Variants in CLEC4G observed in about 807,000 individuals in gnomAD.
CLEC4G encodes the protein C-type lectin superfamily 4, member G.
In CLEC4G, 34 loss-of-function variants were observed where a neutral mutation model predicts 37.0. The ratio of observed to expected loss-of-function variants is 0.92; its 90% confidence interval spans 0.70 to 1.22. The LOEUF is 1.22. CLEC4G is among the 50% of genes most tolerant of loss of function. The probability of loss-of-function intolerance (pLI) is 0.00; values close to 1 mark genes in which losing one functional copy is unlikely to be tolerated. For missense variants in CLEC4G, 390 were observed against 392.9 expected, an observed-to-expected ratio of 0.99 and a Z score of 0.06; for synonymous variants, 167 against 165.6, an observed-to-expected ratio of 1.01 and a Z score of -0.06.
chr19:7,729,349 C>T lies in CLEC4G; in HGVS notation c.*17G>A, dbSNP rs1340057591. On this transcript the variant is annotated 3_prime_UTR_variant, in exon 9 of 9. Transcript: ENST00000328853. ...CGACATGCTGCAATGGGCGCGGCTC[C>T]AGGGCACTGGGCGGGGTCAGCAGTT... 1 of 1,577,248 alleles carries T rather than the reference C, an allele frequency of 6.3e-7. No individual in the cohort carries two copies. The highest frequency in any genetic ancestry group is 1.1e-5 in the South Asian group (1 of 90,358).
In CLEC4G at chr19:7,730,698, G is replaced by T. The variant is rs1396045113; in HGVS notation, c.388+57C>A. The T allele has an allele frequency of 8.0e-6, 12 of 1,500,842 alleles. No homozygotes were observed. In the East Asian group the frequency reaches 3.0e-4, roughly 37 times the overall value. 93.0% of individuals were successfully genotyped at this position (1,500,842 alleles called of 1,614,324 possible). A position where few individuals can be genotyped will look rare whatever the true frequency, so the allele number is the denominator to read the frequency against. ...GGTCGGGGGTCAGCACTCAGGACGGGGTCGGGGTCGGGGGACGCGGCCAGG... is the reference window on the plus strand; with the variant it reads ...GGTCGGGGGTCAGCACTCAGGACGGTGTCGGGGTCGGGGGACGCGGCCAGG... On this transcript the variant is annotated intron_variant, in intron 5 of 8. Coordinates refer to ENST00000328853, the MANE Select transcript of CLEC4G (RefSeq NM_198492.4). The surrounding 1 kb of genome is among the most constrained non-coding windows in gnomAD (Gnocchi z 7.3).
rs1162596850 is a variant in CLEC4G, at chr19:7,730,358, G to C, written c.471C>G (p.Leu157=). The C allele has an allele frequency of 1.9e-6, 3 of 1,602,988 alleles. No individual in the cohort carries two copies. The highest frequency in any genetic ancestry group is 2.2e-5 in the South Asian group (2 of 90,974). ...ELFRALEAVR[L]QNNSCEPCPT... is the part of the protein sequence containing the mutation. ...ACCCCCCGTCTCGCTCACTGTTCTG[G>C]AGCCTCACGGCCTCCAGCGCCCGGA... Residue 157 remains leucine, a synonymous_variant, in exon 6 of 9, where the codon CTC becomes CTG. Coordinates refer to ENST00000328853, the MANE Select transcript of CLEC4G (RefSeq NM_198492.4). This position sits in a 1 kb window ranked among gnomAD's most constrained non-coding sequence, Gnocchi z 7.3.
Position 7,729,343 on chromosome 19 carries a change from C to T in CLEC4G, c.*23G>A, listed in dbSNP as rs372897279. On this transcript the variant is annotated 3_prime_UTR_variant, in exon 9 of 9. Coordinates refer to ENST00000328853, the MANE Select transcript of CLEC4G (RefSeq NM_198492.4). ...AGGATACGACATGCTGCAATGGGCGCGGCTCCAGGGCACTGGGCGGGGTCA... is the reference window on the plus strand; with the variant it reads ...AGGATACGACATGCTGCAATGGGCGTGGCTCCAGGGCACTGGGCGGGGTCA... 1.6e-4 allele frequency: 243 copies of T among 1,551,892 alleles called. No homozygotes were observed. The highest frequency in any genetic ancestry group is 2.0e-4 in the Non-Finnish European group (230 of 1,126,476).
At position 7,731,158 on chromosome 19, in the gene CLEC4G, A is replaced by C. The variant is rs1049787159; in HGVS notation, c.221-70T>G. 1.8e-5 allele frequency: 28 copies of C among 1,591,238 alleles called. No homozygotes were observed. The African/African-American group carries it at 3.3e-4, about 19-fold the overall frequency. On this transcript the variant is annotated intron_variant, in intron 3 of 8. Coordinates refer to ENST00000328853, the MANE Select transcript of CLEC4G (RefSeq NM_198492.4). ...GGGAGGACTCAGGGGACCCCCTTCC[A>C]GCCTCAGGGACCATAGGGCCCCCAC...
chr19:7,730,680 G>T lies in CLEC4G; in HGVS notation c.388+75C>A, dbSNP rs1032399914. On this transcript the variant is annotated intron_variant, in intron 5 of 8. Transcript: ENST00000328853. This position sits in a 1 kb window ranked among gnomAD's most constrained non-coding sequence, Gnocchi z 7.3. Reference sequence around the variant, plus strand: ...GACGGGGTGCATGATCGGGGTCGGGGGTCAGCACTCAGGACGGGGTCGGGG... The same window carrying T: ...GACGGGGTGCATGATCGGGGTCGGGTGTCAGCACTCAGGACGGGGTCGGGG... The T allele has an allele frequency of 7.1e-5, 106 of 1,485,340 alleles. No individual in the cohort carries two copies. The highest frequency in any genetic ancestry group is 8.8e-5 in the Non-Finnish European group (99 of 1,121,514). 92.0% of individuals were successfully genotyped at this position (1,485,340 alleles called of 1,614,324 possible).
chr19:7,731,346 G>A, intron 2 of CLEC4G, 27 bp from the exon 3 acceptor site: 1 of 1,555,316 alleles, frequency 6.4e-7, no homozygotes, highest in Non-Finnish European at 8.7e-7. Flanking sequence ...CTGCAGGCGA[G>A]GCCGGGAACT....
In CLEC4G at chr19:7,729,035, GA is replaced by G; in HGVS notation, c.*330del. 2.4e-6 allele frequency: 1 copy of G among 418,584 alleles called. No homozygotes were observed. The highest frequency in any genetic ancestry group is 4.6e-6 in the Non-Finnish European group (1 of 219,358). 25.9% of individuals were successfully genotyped at this position (418,584 alleles called of 1,614,324 possible). On this transcript the variant is annotated 3_prime_UTR_variant, in exon 9 of 9. Coordinates refer to ENST00000328853, the MANE Select transcript of CLEC4G (RefSeq NM_198492.4). ...GCTTCCAGTTTGGTGGAAAATGCGAGAAAACCAAACAGCTCCAGTCCTCAGT... is the reference window on the plus strand; with the variant it reads ...GCTTCCAGTTTGGTGGAAAATGCGAGAAACCAAACAGCTCCAGTCCTCAGT...
Position 7,729,336 on chromosome 19 carries a change from A to G in CLEC4G, c.*30T>C. ...AGCCCCCAGGATACGACATGCTGCA[A>G]TGGGCGCGGCTCCAGGGCACTGGGC... is the stretch of plus-strand genomic sequence containing the variant. On this transcript the variant is annotated 3_prime_UTR_variant, in exon 9 of 9. Coordinates refer to ENST00000328853, the MANE Select transcript of CLEC4G (RefSeq NM_198492.4). 5 of 1,513,670 alleles carry G rather than the reference A, an allele frequency of 3.3e-6. No homozygotes were observed. Among genetic ancestry groups the G allele is most frequent in the Non-Finnish European group, 4.6e-6 (5 of 1,092,034 alleles). The allele number at this position is 1,513,670 out of a possible 1,614,324, so 93.8% of individuals were successfully genotyped here.
In CLEC4G at chr19:7,730,442, T is replaced by C; in HGVS notation, c.389-2A>G. The stretch of plus-strand genomic sequence containing the variant: ...CGGCTTCAGCCAAGCCCTGGGTCAC[T>C]GCGGGGTCAAGGGAGCGGGGATTAT... On this transcript the variant is annotated splice_acceptor_variant, in intron 5 of 8. Coordinates refer to ENST00000328853, the MANE Select transcript of CLEC4G (RefSeq NM_198492.4). LOFTEE classifies it high-confidence loss of function. The surrounding 1 kb of genome is among the most constrained non-coding windows in gnomAD (Gnocchi z 7.3). 6.2e-7 allele frequency: 1 copy of C among 1,600,654 alleles called. No homozygotes were observed. Among genetic ancestry groups the C allele is most frequent in the Non-Finnish European group, 8.5e-7 (1 of 1,179,802 alleles).
chr19:7,730,735 G>A lies in CLEC4G; in HGVS notation c.388+20C>T, dbSNP rs889116407. 1.2e-5 allele frequency: 18 copies of A among 1,527,538 alleles called. No individual in the cohort carries two copies. The highest frequency in any genetic ancestry group is 1.6e-5 in the Non-Finnish European group (18 of 1,143,104). The allele number at this position is 1,527,538 out of a possible 1,614,324, so 94.6% of individuals were successfully genotyped here. A position where few individuals can be genotyped will look rare whatever the true frequency, so the allele number is the denominator to read the frequency against. ...GGGACGCGGCCAGGGCTCAGGGCCG[G>A]GGTCGCGTCGGGCCCTCACCGCGCT... On this transcript the variant is annotated intron_variant, in intron 5 of 8. Transcript: ENST00000328853. This position sits in a 1 kb window ranked among gnomAD's most constrained non-coding sequence, Gnocchi z 7.3.
intron 1 of CLEC4G, 106 bp downstream of exon 1, chr19:7,731,942 G>T (rs1599460179): frequency 2.0e-6 from 3 of 1,466,852 alleles, no homozygotes; most frequent in East Asian, 2.3e-5. Context: ...ATGGCCTGTG[G>T]TGTCTCTCCT....
In CLEC4G at chr19:7,731,022, TCA is replaced by T; in HGVS notation, c.283+2_283+3del. On this transcript the variant is annotated splice_donor_variant and splice_donor_region_variant and intron_variant, in intron 4 of 8. Transcript: ENST00000328853. LOFTEE classifies it high-confidence loss of function. ...CGCCCACAGCCTCGACCGCGCCCCC[TCA>T]CAGCAGCTGTGGCAGTCTCCGACCT... is the stretch of plus-strand genomic sequence containing the variant. 1 of 1,529,546 alleles carries T rather than the reference TCA, an allele frequency of 6.5e-7. No homozygotes were observed. Among genetic ancestry groups the T allele is most frequent in the South Asian group, 1.1e-5 (1 of 87,588 alleles). 94.7% of individuals were successfully genotyped at this position (1,529,546 alleles called of 1,614,324 possible).
Position 7,730,129 on chromosome 19 carries a change from C to A in CLEC4G, c.517G>T (p.Glu173Ter). 1 of 1,612,778 alleles carries A rather than the reference C, an allele frequency of 6.2e-7. No homozygotes were observed. Among genetic ancestry groups the A allele is most frequent in the Middle Eastern group, 1.7e-4 (1 of 6,056 alleles). ...ACAGAGAAAAAGTAGCAGGAGCCCT[C>A]GAAGGACAGCCACGACGTGGGGCAC... is the stretch of plus-strand genomic sequence containing the variant. Reference protein sequence around the residue: ...EPCPTSWLSFEGSCYFFSVPK... With the variant: ...EPCPTSWLSF The change falls in exon 7 of 9, where the codon GAG becomes TAG. Residue 173 changes from glutamate to a stop codon, truncating the protein, a stop_gained. Coordinates refer to ENST00000328853, the MANE Select transcript of CLEC4G (RefSeq NM_198492.4). LOFTEE classifies it high-confidence loss of function. The surrounding 1 kb of genome is among the most constrained non-coding windows in gnomAD (Gnocchi z 7.3).
At chr19:7,731,442 G>T (rs1568500920) in intron 2 of CLEC4G, 123 bp from the exon 3 acceptor site, 11 of 1,488,158 alleles carry the variant, frequency 7.4e-6, no homozygotes, top group Admixed American at 2.2e-5. Flanking sequence ...CTCACACGAT[G>T]TGCACACACG....
chr19:7,729,521 TG>T lies in CLEC4G; in HGVS notation c.744-18del, dbSNP rs374742652. The T allele has an allele frequency of 9.5e-4, 1,499 of 1,569,806 alleles. 12 individuals carry two copies. In the African/African-American group the frequency reaches 0.018, roughly 19 times the overall value. On this transcript the variant is annotated intron_variant, in intron 8 of 8. Coordinates refer to ENST00000328853, the MANE Select transcript of CLEC4G (RefSeq NM_198492.4). The stretch of plus-strand genomic sequence containing the variant: ...TTCCAGTGGCTACAGGGGGGTTGAG[TG>T]GGGGTGTTGCTGGGAATCTAGACAG...
Position 7,729,053 on chromosome 19 carries a change from G to A in CLEC4G, c.*313C>T. 1 of 464,652 alleles carries A rather than the reference G, an allele frequency of 2.2e-6. No individual in the cohort carries two copies. 28.8% of individuals were successfully genotyped at this position (464,652 alleles called of 1,614,324 possible). On this transcript the variant is annotated 3_prime_UTR_variant, in exon 9 of 9. Transcript: ENST00000328853. ...AATGCGAGAAAACCAAACAGCTCCA[G>A]TCCTCAGTCACCTAACCTTGGTTAG... is the stretch of plus-strand genomic sequence containing the variant.
chr19:7,729,681 G>A (rs1395462405), intron 8 of CLEC4G, 140 bp downstream of exon 8: 6 of 1,439,690 alleles, frequency 4.2e-6, no homozygotes, highest in East Asian at 2.3e-5. Context: ...AATTTAACCT[G>A]AGGACAGTTC....
rs1294176541 is a variant in CLEC4G at position 7,729,170 on chromosome 19, T to TAC, written c.*195_*196insGT. 1.4e-6 allele frequency: 1 copy of TAC among 690,886 alleles called. No homozygotes were observed. Among genetic ancestry groups the TAC allele is most frequent in the Non-Finnish European group, 2.6e-6 (1 of 377,542 alleles). The allele number at this position is 690,886 out of a possible 1,614,324, so 42.8% of individuals were successfully genotyped here. A position where few individuals can be genotyped will look rare whatever the true frequency, so the allele number is the denominator to read the frequency against. ...TGGGTCTGCGTGAGTGGAGTTAGGATGAGGTCGGCATGGAGGTCCCAGAGC... is the reference window on the plus strand; with the variant it reads ...TGGGTCTGCGTGAGTGGAGTTAGGATACGAGGTCGGCATGGAGGTCCCAGAGC... On this transcript the variant is annotated 3_prime_UTR_variant, in exon 9 of 9. Coordinates refer to ENST00000328853, the MANE Select transcript of CLEC4G (RefSeq NM_198492.4).
chr19:7,730,895 A>C lies in CLEC4G; in HGVS notation c.284-36T>G, dbSNP rs1663660230. The C allele has an allele frequency of 1.3e-6, 2 of 1,524,276 alleles. No individual in the cohort carries two copies. The highest frequency in any genetic ancestry group is 2.8e-5 in the African/African-American group (2 of 71,674). 94.4% of individuals were successfully genotyped at this position (1,524,276 alleles called of 1,614,324 possible). ...CAGGGTGAGAGGGGCGAGGGCGGCG[A>C]GGATGGGGCGGGACTTCGGAGACCA... On this transcript the variant is annotated intron_variant, in intron 4 of 8. Transcript: ENST00000328853. The surrounding 1 kb of genome is among the most constrained non-coding windows in gnomAD (Gnocchi z 7.3).
Sources: allele counts gnomAD v4.1 joint callset, GRCh38; gene constraint gnomAD v4.1.1; non-coding constraint Gnocchi (gnomAD v3.1); transcripts MANE v1.5; gene names NCBI Gene and HGNC (gene_info 2026-07-23, HGNC 2026-07-21).